The following GNB1 variants were observed in gnomAD, a reference collection of about 807,000 sequenced individuals.
The protein encoded by GNB1 is guanine nucleotide-binding protein G(I)/G(S)/G(T) subunit beta-1.
A neutral mutation model predicts 42.9 loss-of-function variants in GNB1; 2 were observed. That is an observed-to-expected ratio of 0.05 (90% CI 0.02 to 0.15). The LOEUF (loss-of-function observed/expected upper bound fraction) is 0.15, where lower values mean the gene tolerates loss of function less well. GNB1 is among the 10% of genes least tolerant of loss of function. The pLI is 1.00. For synonymous variants in GNB1, 183 were observed against 174.7 expected (o/e 1.05, Z -0.38); for missense variants, 193 against 462.2 (o/e 0.42, Z 5.34).
chr1:1,863,037 T>C (rs1648719546), intron 1 of GNB1, among the ~76,000 whole-genome samples: 1 of 152,210 alleles, frequency 6.6e-6, no homozygotes, highest in Non-Finnish European at 1.5e-5. Context: ...CCAGGCTGAA[T>C]GTGTCTGACC....
At chr1:1,816,626 G>A (rs186900784) in intron 4 of GNB1, among the ~76,000 whole-genome samples, 88 of 147,854 alleles carry the variant, frequency 6.0e-4, no homozygotes, top group South Asian at 6.5e-4. Context: ...CCAATTATTT[G>A]GACTTTATTT....
chr1:1,815,704 C>T, intron 5 of GNB1, 52 bp downstream of exon 5: 1 of 965,182 alleles, frequency 1.0e-6, no homozygotes, highest in Non-Finnish European at 1.7e-6. Flanking sequence ...CCTAGGACAA[C>T]AGAGCAGCCC....
intron 5 of GNB1, 28 bp downstream of exon 5, chr1:1,815,728 G>T: frequency 8.5e-7 from 1 of 1,173,926 alleles, no homozygotes; most frequent in Non-Finnish European, 1.3e-6. Flanking sequence ...AATGTAACAA[G>T]CAGCATCCTG....
chr1:1,787,144 A>C lies in GNB1; in HGVS notation c.*10-91T>G. 1.9e-6 allele frequency: 1 copy of C among 523,298 alleles called. No homozygotes were observed. The allele number at this position is 523,298 out of a possible 1,614,324, so 32.4% of individuals were successfully genotyped here. ...AGGTCACTGCTCTTCCCATCACTGC[A>C]TGAGTGTCTGCAGCTGAGGGCACGT... On this transcript the variant is annotated intron_variant, in intron 11 of 11. Coordinates refer to ENST00000378609, the MANE Select transcript of GNB1 (RefSeq NM_002074.5). This position sits in a 1 kb window ranked among gnomAD's most constrained non-coding sequence, Gnocchi z 4.4.
At chr1:1,840,004 A>C (rs554440683) in intron 1 of GNB1, among the ~76,000 whole-genome samples, 1 of 151,970 alleles carries the variant, frequency 6.6e-6, no homozygotes, top group South Asian at 2.1e-4. Flanking sequence ...TTTTAATTTT[A>C]ATGTGTTTTA....
At chr1:1,856,707 T>C (rs1648325492) in intron 1 of GNB1, among the ~76,000 whole-genome samples, 2 of 152,238 alleles carry the variant, frequency 1.3e-5, no homozygotes, top group Non-Finnish European at 2.9e-5. Flanking sequence ...ATTACAGGCA[T>C]GAGCCACTGC....
At position 1,786,168 on chromosome 1, in the gene GNB1, C is replaced by A. The variant is rs1233841428; in HGVS notation, c.*895G>T. On this transcript the variant is annotated 3_prime_UTR_variant, in exon 12 of 12. Coordinates refer to ENST00000378609, the MANE Select transcript of GNB1 (RefSeq NM_002074.5). ...ACTGACTATCCAAGCACAGGACAGG[C>A]ATCTCTCTTGAAAACAGAGGTTCCT... The A allele has an allele frequency of 2.5e-6, 1 of 398,268 alleles. No individual in the cohort carries two copies. Among genetic ancestry groups the A allele is most frequent in the Non-Finnish European group, 4.4e-6 (1 of 225,812 alleles). The allele number at this position is 398,268 out of a possible 1,614,324, so 24.7% of individuals were successfully genotyped here. A position where few individuals can be genotyped will look rare whatever the true frequency, so the allele number is the denominator to read the frequency against.
Position 1,787,672 on chromosome 1 carries a change from C to T in GNB1, c.917-235G>A, listed in dbSNP as rs775783915. 1.3e-5 allele frequency among the ~76,000 whole-genome samples: 2 copies of T among 152,092 alleles called. No individual in the cohort carries two copies. Among genetic ancestry groups the T allele is most frequent in the Non-Finnish European group, 2.9e-5 (2 of 68,008 alleles). On this transcript the variant is annotated intron_variant, in intron 10 of 11. Transcript: ENST00000378609. This position sits in a 1 kb window ranked among gnomAD's most constrained non-coding sequence, Gnocchi z 4.4. ...CACGCAATCGATAAATCCAGAGCCC[C>T]TGGCATTGACTTCTCAGCACTCACT...
At chr1:1,802,922 T>G (rs1431156240) in intron 7 of GNB1, among the ~76,000 whole-genome samples, 1 of 152,058 alleles carries the variant, frequency 6.6e-6, no homozygotes, top group African/African-American at 2.4e-5. Flanking sequence ...AGAAGGCAAC[T>G]CCAAAGTAAG....
In GNB1 at chr1:1,786,831, C is replaced by T. The variant is rs1357070739; in HGVS notation, c.*232G>A. On this transcript the variant is annotated 3_prime_UTR_variant, in exon 12 of 12. Coordinates refer to ENST00000378609, the MANE Select transcript of GNB1 (RefSeq NM_002074.5). ...AAAAAGAAAACAAAGACGATGGCCC[C>T]GGAAGGAATGCACAATTTGTTTTAG... 6.6e-6 allele frequency: 1 copy of T among 152,582 alleles called. No individual in the cohort carries two copies. The highest frequency in any genetic ancestry group is 1.5e-5 in the Non-Finnish European group (1 of 68,052). 9.5% of individuals were successfully genotyped at this position (152,582 alleles called of 1,614,324 possible). A position where few individuals can be genotyped will look rare whatever the true frequency, so the allele number is the denominator to read the frequency against.
chr1:1,888,921 T>C lies in GNB1; in HGVS notation c.-96+1899A>G, dbSNP rs1650309485. On this transcript the variant is annotated intron_variant, in intron 1 of 11. Transcript: ENST00000378609. ...CCTACCCTGGGGAGGCTCTCAGACC[T>C]GTCTCCATGTCAGTGGCACCACCTC... is the stretch of plus-strand genomic sequence containing the variant. Among the ~76,000 whole-genome samples the C allele has an allele frequency of 2.6e-5, 4 of 152,132 alleles. No homozygotes were observed. The South Asian group carries it at 8.3e-4, about 31-fold the overall frequency.
chr1:1,824,069 C>G (rs528695269), intron 3 of GNB1, among the ~76,000 whole-genome samples: 1 of 151,990 alleles, frequency 6.6e-6, no homozygotes, highest in African/African-American at 2.4e-5. Flanking sequence ...TCCTGTACAG[C>G]GACACTCTGA....
intron 7 of GNB1, 66 bp downstream of exon 7, chr1:1,804,353 A>C: frequency 9.6e-7 from 1 of 1,040,314 alleles, no homozygotes; most frequent in East Asian, 2.4e-5. Context: ...GTGAGTATCC[A>C]AAGCATATAA....
chr1:1,800,753 TAAAA>T (rs943269814), intron 7 of GNB1, among the ~76,000 whole-genome samples: 1 of 115,320 alleles, frequency 8.7e-6, no homozygotes, highest in African/African-American at 3.2e-5. Flanking sequence ...TTTAGATTGT[TAAAA>T]AAAAAAAAAA....
chr1:1,794,764 C>T (rs1183988024), intron 7 of GNB1, among the ~76,000 whole-genome samples: 2 of 152,136 alleles, frequency 1.3e-5, no homozygotes, highest in Non-Finnish European at 1.5e-5. Context: ...GATCTCGGCT[C>T]ACCGCAACCT....
intron 6 of GNB1, among the ~76,000 whole-genome samples, chr1:1,805,442 T>C (rs922968524): frequency 5.3e-5 from 8 of 151,566 alleles, no homozygotes; most frequent in East Asian, 1.9e-4. Context: ...GCCAGGGCGG[T>C]AAGAGCAATG....
At chr1:1,795,766 A>AACAAAAAC (rs1646538860) in intron 7 of GNB1, among the ~76,000 whole-genome samples, 1 of 151,064 alleles carries the variant, frequency 6.6e-6, no homozygotes, top group East Asian at 1.9e-4. Flanking sequence ...AAAACAAAAA[A>AACAAAAAC]CATGACCTCA....
chr1:1,827,205 T>G (rs917524306), intron 2 of GNB1, among the ~76,000 whole-genome samples: 1 of 152,200 alleles, frequency 6.6e-6, no homozygotes, highest in African/African-American at 2.4e-5. Context: ...CTAGTGTGCC[T>G]AAAGGAATTC....
intron 2 of GNB1, among the ~76,000 whole-genome samples, chr1:1,837,102 CAGA>C (rs1647162010): frequency 6.6e-6 from 1 of 152,084 alleles, no homozygotes; most frequent in Non-Finnish European, 1.5e-5. Context: ...TTCTAAGGAG[CAGA>C]AGTTTTAAAT....
Sources: gnomAD v4.1 joint callset for allele counts (sites outside exome capture counted in the v4.1 genomes callset) on GRCh38, gnomAD v4.1.1 for gene constraint, Gnocchi (gnomAD v3.1) non-coding constraint, MANE v1.5 for transcripts, NCBI Gene and HGNC (gene_info 2026-07-23, HGNC 2026-07-21) for gene names.